LRP1B: variants seen among roughly 807,000 people sequenced by gnomAD.
LRP1B encodes LDL receptor related protein 1B.
In LRP1B, 217 loss-of-function variants were observed where a neutral mutation model predicts 556.6. That is an observed-to-expected ratio of 0.39 (90% CI 0.35 to 0.44). The LOEUF (loss-of-function observed/expected upper bound fraction) is 0.44. Ranked by LOEUF, LRP1B falls within the 20% of genes least tolerant of loss-of-function variation. The pLI is 1.00. For missense variants in LRP1B, 5,053 were observed against 5,620.8 expected (o/e 0.90, Z 3.23); for synonymous variants, 2,047 against 1,865.8 (o/e 1.10, Z -2.50).
At chr2:141,575,645 A>G (rs1686710396) in intron 2 of LRP1B, among the ~76,000 whole-genome samples, 1 of 152,162 alleles carries the variant, frequency 6.6e-6, no homozygotes, top group African/African-American at 2.4e-5. Context: ...AAAAGAAACT[A>G]TCATCAGAGT....
chr2:141,223,470 T>A (rs1683122684), intron 6 of LRP1B, among the ~76,000 whole-genome samples: 1 of 152,220 alleles, frequency 6.6e-6, no homozygotes, highest in African/African-American at 2.4e-5. Flanking sequence ...AAGCAGTTTA[T>A]AGATTCCATG....
intron 2 of LRP1B, among the ~76,000 whole-genome samples, chr2:141,744,413 A>C (rs1413815383): frequency 6.6e-6 from 1 of 152,138 alleles, no homozygotes; most frequent in East Asian, 1.9e-4. Flanking sequence ...CATATGGTCT[A>C]TTCTTGAGAA....
intron 31 of LRP1B, among the ~76,000 whole-genome samples, chr2:140,831,586 G>A (rs1039141764): frequency 3.3e-5 from 5 of 152,010 alleles, no homozygotes; most frequent in African/African-American, 1.2e-4. Flanking sequence ...AAAACATTTG[G>A]GCAACACTTC....
At chr2:142,086,640 C>CAA (rs55654885) in intron 1 of LRP1B, among the ~76,000 whole-genome samples, 9,505 of 147,634 alleles carry the variant, frequency 0.064, 415 homozygotes, top group Non-Finnish European at 0.088. Flanking sequence ...AACAAACAAA[C>CAA]AAAAAAAAAA....
At chr2:141,869,729 A>G (rs1048554010) in intron 1 of LRP1B, among the ~76,000 whole-genome samples, 1 of 152,156 alleles carries the variant, frequency 6.6e-6, no homozygotes, top group African/African-American at 2.4e-5. Flanking sequence ...ACAATGTTAA[A>G]AGGATTAAAT....
intron 84 of LRP1B, among the ~76,000 whole-genome samples, chr2:140,280,593 AT>A (rs1558767809): frequency 6.6e-6 from 1 of 151,792 alleles, no homozygotes; most frequent in Non-Finnish European, 1.5e-5. Context: ...GAAATGCATG[AT>A]GGGACACTAG....
intron 3 of LRP1B, among the ~76,000 whole-genome samples, chr2:141,365,502 A>G (rs953400661): frequency 2.0e-5 from 3 of 150,502 alleles, no homozygotes; most frequent in Non-Finnish European, 4.4e-5. Context: ...TTTTTTGTCA[A>G]ACACTTCCAT....
intron 1 of LRP1B, among the ~76,000 whole-genome samples, chr2:142,060,562 T>C (rs961851995): frequency 2.6e-5 from 4 of 152,038 alleles, no homozygotes; most frequent in Non-Finnish European, 5.9e-5. Context: ...TTCTGGCTTA[T>C]TTTCATTGTT....
At chr2:141,309,153 T>C (rs141759094) in intron 3 of LRP1B, among the ~76,000 whole-genome samples, 39 of 152,366 alleles carry the variant, frequency 2.6e-4, no homozygotes, top group East Asian at 5.8e-4. Context: ...TCATTGCCTC[T>C]GCCTTGTTGG....
At chr2:140,298,299 AATT>A in intron 83 of LRP1B, among the ~76,000 whole-genome samples, 1 of 98,144 alleles carries the variant, frequency 1.0e-5, no homozygotes, top group Admixed American at 1.3e-4. Flanking sequence ...TGGCCCTTTC[AATT>A]ATTTTTATTC....
intron 41 of LRP1B, among the ~76,000 whole-genome samples, chr2:140,628,543 A>AG (rs1237005770): frequency 6.6e-6 from 1 of 151,668 alleles, no homozygotes; most frequent in African/African-American, 2.4e-5. Context: ...TCTCGAAAAA[A>AG]AAAAAAAAAT....
At chr2:141,694,033 A>C (rs1348971331) in intron 2 of LRP1B, among the ~76,000 whole-genome samples, 1 of 152,006 alleles carries the variant, frequency 6.6e-6, no homozygotes, top group African/African-American at 2.4e-5. Flanking sequence ...AAAAGAGGGG[A>C]ACTTTGAGAA....
intron 52 of LRP1B, 88 bp downstream of exon 52, chr2:140,509,840 A>G (rs2104915975): frequency 6.6e-7 from 1 of 1,521,848 alleles, no homozygotes; most frequent in Non-Finnish European, 8.9e-7. Flanking sequence ...AGCAATGGGA[A>G]ATGTGCTATG....
rs576414543 is a variant in LRP1B at position 141,348,884 on chromosome 2, C to T, written c.344-94243G>A. Among the ~76,000 whole-genome samples the T allele has an allele frequency of 6.6e-4, 101 of 152,046 alleles. 1 individual carries two copies. Among genetic ancestry groups the T allele is most frequent in the African/African-American group, 2.3e-3 (95 of 41,414 alleles). The stretch of plus-strand genomic sequence containing the variant: ...TTCTCATGATAGTAAATAAGTCTCA[C>T]GAGAACTGATGATTCTATAAGGGGA... On this transcript the variant is annotated intron_variant, in intron 3 of 90. Transcript: ENST00000389484.
intron 2 of LRP1B, among the ~76,000 whole-genome samples, chr2:141,612,914 C>T (rs1010683636): frequency 8.5e-5 from 13 of 152,048 alleles, no homozygotes; most frequent in Non-Finnish European, 1.5e-4. Flanking sequence ...GCCATTTTCC[C>T]GCCTCAGCCT....
chr2:141,937,919 G>C (rs1038805608), intron 1 of LRP1B, among the ~76,000 whole-genome samples: 1 of 152,064 alleles, frequency 6.6e-6, no homozygotes, highest in Admixed American at 6.5e-5. Flanking sequence ...AGATAATCCA[G>C]TTTTCCTGAA....
intron 20 of LRP1B, among the ~76,000 whole-genome samples, chr2:140,926,224 A>C (rs1198356373): frequency 1.3e-5 from 2 of 152,120 alleles, no homozygotes; most frequent in African/African-American, 4.8e-5. Context: ...AAAGAGGATA[A>C]CGATTCTCTA....
chr2:140,436,865 T>C (rs1205129367), intron 66 of LRP1B, among the ~76,000 whole-genome samples: 1 of 152,136 alleles, frequency 6.6e-6, no homozygotes, highest in Non-Finnish European at 1.5e-5. Context: ...GGATTTACCA[T>C]GGGAAAAGGC....
At chr2:141,096,675 A>AGAGAGAGAGAGAGG (rs1700327046) in intron 7 of LRP1B, among the ~76,000 whole-genome samples, 1 of 130,094 alleles carries the variant, frequency 7.7e-6, no homozygotes, top group African/African-American at 2.8e-5. Context: ...AGAGAGAGAG[A>AGAGAGAGAGAGAGG]GAGAGAGAGA....
Sources: gnomAD v4.1 joint callset for allele counts (sites outside exome capture counted in the v4.1 genomes callset) on GRCh38, gnomAD v4.1.1 for gene constraint, MANE v1.5 for transcripts, NCBI Gene and HGNC (gene_info 2026-07-23, HGNC 2026-07-21) for gene names.